TCF12: variants seen among roughly 807,000 people sequenced by gnomAD.
TCF12 encodes DNA-binding protein HTF4.
In TCF12, 45 loss-of-function variants were observed where a neutral mutation model predicts 86.0. The ratio of observed to expected loss-of-function variants is 0.52; its 90% CI spans 0.41 to 0.67. TCF12 has a LOEUF of 0.67. Among genes scored for constraint, TCF12 ranks in the 30% least tolerant of loss-of-function variants. The pLI, the probability that TCF12 is intolerant of heterozygous loss-of-function variation, is 0.00. For synonymous variants in TCF12, 330 were observed against 299.6 expected (o/e 1.10, Z -1.05); for missense variants, 881 against 859.9 (o/e 1.02, Z -0.31).
At chr15:57,244,632 G>A (rs1013660947) in intron 13 of TCF12, among the ~76,000 whole-genome samples, 3 of 151,858 alleles carry the variant, frequency 2.0e-5, no homozygotes, top group Non-Finnish European at 4.4e-5. Flanking sequence ...GCTAATTTTT[G>A]TATTTTTTTG....
At chr15:57,058,743 C>G (rs568912173) in intron 3 of TCF12, among the ~76,000 whole-genome samples, 1 of 152,218 alleles carries the variant, frequency 6.6e-6, no homozygotes, top group Non-Finnish European at 1.5e-5. Flanking sequence ...TAGCTTTTCC[C>G]TTTTTTACTA....
At position 57,023,451 on chromosome 15, in the gene TCF12, ACTGAT is replaced by A. The variant is rs555747112; in HGVS notation, c.149-40297_149-40293del. 5.8e-3 allele frequency among the ~76,000 whole-genome samples: 883 copies of A among 152,248 alleles called. 2 individuals carry two copies. The highest frequency in any genetic ancestry group is 8.4e-3 in the Non-Finnish European group (573 of 68,018). On this transcript the variant is annotated intron_variant, in intron 3 of 20. Coordinates refer to ENST00000333725, the MANE Select transcript of TCF12 (RefSeq NM_207037.2). ...ATACACCAATTGATGATCACAACTT[ACTGAT>A]CATTGTATCTGGTCAGTTATATTCT... is the stretch of plus-strand genomic sequence containing the variant.
intron 3 of TCF12, among the ~76,000 whole-genome samples, chr15:57,050,535 T>C (rs2067538144): frequency 6.6e-6 from 1 of 152,196 alleles, no homozygotes; most frequent in African/African-American, 2.4e-5. Context: ...TGAGGTTTGC[T>C]TTGTAGTTCT....
At chr15:56,975,738 T>G (rs1422399162) in intron 3 of TCF12, among the ~76,000 whole-genome samples, 1 of 152,120 alleles carries the variant, frequency 6.6e-6, no homozygotes, top group Admixed American at 6.6e-5. Context: ...AAGTAATAAT[T>G]TTAATAAAAC....
intron 5 of TCF12, among the ~76,000 whole-genome samples, chr15:57,093,695 G>A (rs73413391): frequency 0.025 from 3,796 of 152,236 alleles, 153 homozygotes; most frequent in African/African-American, 0.087. Flanking sequence ...GCAATTACGA[G>A]CATGTGCTTG....
chr15:56,958,801 A>C (rs1438927239), intron 3 of TCF12, among the ~76,000 whole-genome samples: 1 of 152,000 alleles, frequency 6.6e-6, no homozygotes, highest in Non-Finnish European at 1.5e-5. Context: ...CAGGAGGATC[A>C]CTTGAGGCCA....
intron 4 of TCF12, 32 bp from the exon 5 acceptor site, chr15:57,091,757 T>C (rs766824313): frequency 1.3e-6 from 2 of 1,536,166 alleles, no homozygotes; most frequent in East Asian, 4.5e-5. Flanking sequence ...CCAAATAATC[T>C]CTTTAATACT....
chr15:57,200,246 G>T (rs1366351401), intron 8 of TCF12, among the ~76,000 whole-genome samples: 2 of 151,710 alleles, frequency 1.3e-5, no homozygotes, highest in Non-Finnish European at 2.9e-5. Context: ...CCCACTTCTA[G>T]GATTAACTGA....
At chr15:56,979,286 TG>T (rs1555463965) in intron 3 of TCF12, among the ~76,000 whole-genome samples, 1 of 152,208 alleles carries the variant, frequency 6.6e-6, no homozygotes, top group Non-Finnish European at 1.5e-5. Flanking sequence ...CATAAAATCA[TG>T]TTTTTTTGGT....
intron 5 of TCF12, among the ~76,000 whole-genome samples, chr15:57,111,740 G>C (rs750885455): frequency 1.3e-5 from 2 of 151,776 alleles, no homozygotes; most frequent in Non-Finnish European, 2.9e-5. Flanking sequence ...CTACAGGCAC[G>C]AGCCACCATG....
intron 19 of TCF12, among the ~76,000 whole-genome samples, chr15:57,279,098 G>A (rs1480519634): frequency 6.6e-6 from 1 of 151,792 alleles, no homozygotes; most frequent in East Asian, 1.9e-4. Flanking sequence ...AGGCTCAAGT[G>A]ATCCTCCTAC....
chr15:57,041,448 C>G (rs943472277), intron 3 of TCF12, among the ~76,000 whole-genome samples: 1 of 152,020 alleles, frequency 6.6e-6, no homozygotes, highest in African/African-American at 2.4e-5. Flanking sequence ...TGCAAAAAAG[C>G]CTTTGCCACA....
At chr15:57,148,003 C>CGAAT (rs1188498438) in intron 5 of TCF12, among the ~76,000 whole-genome samples, 3 of 151,308 alleles carry the variant, frequency 2.0e-5, no homozygotes, top group African/African-American at 7.3e-5. Context: ...CCTCAGCCTT[C>CGAAT]GAATAGCTGG....
intron 16 of TCF12, among the ~76,000 whole-genome samples, chr15:57,258,207 G>T (rs2152040350): frequency 6.6e-6 from 1 of 152,180 alleles, no homozygotes; most frequent in East Asian, 1.9e-4. Flanking sequence ...CTTGAGCCAG[G>T]AGTTCAAGGC....
intron 8 of TCF12, among the ~76,000 whole-genome samples, chr15:57,206,977 G>A (rs1405772062): frequency 1.3e-5 from 2 of 151,498 alleles, no homozygotes; most frequent in African/African-American, 4.8e-5. Flanking sequence ...GTGGTAGTGT[G>A]TGCCTGTAGT....
chr15:57,003,461 T>G (rs1309909376), intron 3 of TCF12, among the ~76,000 whole-genome samples: 1 of 152,218 alleles, frequency 6.6e-6, no homozygotes, highest in African/African-American at 2.4e-5. Context: ...ATGATGCACA[T>G]TGTAGGTTTC....
intron 5 of TCF12, among the ~76,000 whole-genome samples, chr15:57,161,288 G>C (rs1160274287): frequency 6.6e-6 from 1 of 152,156 alleles, no homozygotes; most frequent in South Asian, 2.1e-4. Context: ...TTAAGTCTGA[G>C]AATATTTGTT....
At chr15:57,052,089 TGA>T (rs1238297670) in intron 3 of TCF12, among the ~76,000 whole-genome samples, 2 of 152,266 alleles carry the variant, frequency 1.3e-5, no homozygotes, top group East Asian at 3.8e-4. Context: ...ACGTTAATTA[TGA>T]GAGTTCAGAA....
intron 3 of TCF12, among the ~76,000 whole-genome samples, chr15:57,038,823 A>G (rs2066691843): frequency 6.6e-6 from 1 of 152,198 alleles, no homozygotes; most frequent in Non-Finnish European, 1.5e-5. Context: ...TATATTGTAG[A>G]CATAGAGGTA....
Sources: allele counts gnomAD v4.1 joint callset (sites outside exome capture counted in the v4.1 genomes callset), GRCh38; gene constraint gnomAD v4.1.1; transcripts MANE v1.5; gene names NCBI Gene and HGNC (gene_info 2026-07-23, HGNC 2026-07-21).